The following RBFOX1 variants were observed in gnomAD, a reference collection of about 807,000 sequenced individuals.
The protein encoded by RBFOX1 is RNA binding protein fox-1 homolog 1.
Under a neutral mutation model 57.7 loss-of-function variants are expected in RBFOX1, and 8 were observed. The ratio of observed to expected loss-of-function variants is 0.14; its 90% CI spans 0.08 to 0.25. The LOEUF (loss-of-function observed/expected upper bound fraction) is 0.25, where lower values mean the gene tolerates loss of function less well. Among genes scored for constraint, RBFOX1 ranks in the 10% least tolerant of loss-of-function variants. The pLI is 1.00. For missense variants in RBFOX1, 611 were observed against 548.5 expected (o/e 1.11, Z -1.14); for synonymous variants, 326 against 222.4 (o/e 1.47, Z -4.15).
intron 4 of RBFOX1, among the ~76,000 whole-genome samples, chr16:7,298,424 G>C (rs2095951159): frequency 6.6e-6 from 1 of 151,962 alleles, no homozygotes. Context: ...AAGTAGCTGG[G>C]ACTACAGATG....
chr16:6,816,243 A>G (rs2090038164), intron 3 of RBFOX1, among the ~76,000 whole-genome samples: 1 of 152,156 alleles, frequency 6.6e-6, no homozygotes, highest in Non-Finnish European at 1.5e-5. Context: ...CTGGAGTTCA[A>G]GACCGTAGTA....
chr16:6,894,167 G>T (rs993000414), intron 3 of RBFOX1, among the ~76,000 whole-genome samples: 1 of 152,050 alleles, frequency 6.6e-6, no homozygotes, highest in East Asian at 1.9e-4. Context: ...CCTATCTCTT[G>T]TCTGTCTGTC....
In RBFOX1 at chr16:6,921,614, C is replaced by T. The variant is rs554396661; in HGVS notation, c.-15-130443C>T. ...GGAGAAAGAATAATTTATGTATATA[C>T]ATAAATTACTGTATATATATATATA... On this transcript the variant is annotated intron_variant, in intron 3 of 15. Coordinates refer to ENST00000550418, the MANE Select transcript of RBFOX1 (RefSeq NM_018723.4). Among the ~76,000 whole-genome samples, 19 of 145,184 alleles carry T rather than the reference C, an allele frequency of 1.3e-4. No homozygotes were observed. The South Asian group carries it at 3.9e-3, about 30-fold the overall frequency.
At chr16:6,334,265 T>G (rs1476479699) in intron 2 of RBFOX1, among the ~76,000 whole-genome samples, 1 of 152,038 alleles carries the variant, frequency 6.6e-6, no homozygotes. Flanking sequence ...CCTAGCGCTT[T>G]GGGAGGCCAA....
intron 1 of RBFOX1, among the ~76,000 whole-genome samples, chr16:5,425,125 A>ATC (rs2067517124): frequency 1.4e-5 from 1 of 72,948 alleles, no homozygotes; most frequent in Non-Finnish European, 3.2e-5. Context: ...ATCTATCTTG[A>ATC]GACAGAGTCT....
At chr16:6,557,087 A>G (rs1037509849) in intron 2 of RBFOX1, among the ~76,000 whole-genome samples, 37 of 142,822 alleles carry the variant, frequency 2.6e-4, no homozygotes, top group Admixed American at 1.9e-3. Context: ...ATATATACAT[A>G]CATATACATA....
chr16:7,029,588 G>C (rs1374415533), intron 3 of RBFOX1, among the ~76,000 whole-genome samples: 1 of 152,074 alleles, frequency 6.6e-6, no homozygotes, highest in East Asian at 1.9e-4. Context: ...ACTTGGACAT[G>C]AGATCATTAA....
intron 3 of RBFOX1, among the ~76,000 whole-genome samples, chr16:7,002,956 G>C (rs1356818653): frequency 1.3e-5 from 2 of 151,962 alleles, no homozygotes; most frequent in Admixed American, 1.3e-4. Context: ...TAGGAAAGGC[G>C]ATGAGGTCAA....
chr16:7,498,007 A>G (rs996675409), intron 4 of RBFOX1, among the ~76,000 whole-genome samples: 2 of 152,198 alleles, frequency 1.3e-5, no homozygotes, highest in African/African-American at 2.4e-5. Context: ...CTGTCCCCAA[A>G]TAGGTGCTTT....
chr16:7,213,550 C>T (rs952362018), intron 4 of RBFOX1, among the ~76,000 whole-genome samples: 17 of 127,938 alleles, frequency 1.3e-4, no homozygotes, highest in African/African-American at 6.9e-4. Flanking sequence ...AAGGGATCCT[C>T]TAATGCCAAA....
At chr16:7,401,825 G>A (rs1376769524) in intron 4 of RBFOX1, among the ~76,000 whole-genome samples, 1 of 152,150 alleles carries the variant, frequency 6.6e-6, no homozygotes, top group African/African-American at 2.4e-5. Context: ...CCTAGCACAG[G>A]AGGCCAAAAG....
At chr16:6,156,915 C>T (rs906902031) in intron 1 of RBFOX1, among the ~76,000 whole-genome samples, 35 of 152,132 alleles carry the variant, frequency 2.3e-4, no homozygotes, top group Non-Finnish European at 7.3e-5. Flanking sequence ...TTATGGTTCA[C>T]CATAGCCCCG....
At position 6,220,722 on chromosome 16, in the gene RBFOX1, G is replaced by A. The variant is rs1020687644; in HGVS notation, c.-126-96273G>A. Among the ~76,000 whole-genome samples the A allele has an allele frequency of 2.0e-3, 28 of 13,968 alleles. No individual in the cohort carries two copies. The Admixed American group carries it at 0.029, about 14-fold the overall frequency. The allele number at this position is 13,968 out of a possible 152,430, so 9.2% of individuals were successfully genotyped here. A position where few individuals can be genotyped will look rare whatever the true frequency, so the allele number is the denominator to read the frequency against. On this transcript the variant is annotated intron_variant, in intron 1 of 15. Transcript: ENST00000550418. ...AAGTAAGATAATGCTATGACTAACC[G>A]CCCCCCCCCAGTGGAAAATAATGAA...
chr16:5,269,210 C>G (rs1383610648), intron 1 of RBFOX1, among the ~76,000 whole-genome samples: 2 of 152,248 alleles, frequency 1.3e-5, no homozygotes, highest in Non-Finnish European at 2.9e-5. Flanking sequence ...AGCCACCGCA[C>G]CAGGCCAATT....
At chr16:6,779,739 ATTTT>A (rs1276163677) in intron 3 of RBFOX1, among the ~76,000 whole-genome samples, 138 of 56,072 alleles carry the variant, frequency 2.5e-3, no homozygotes, top group East Asian at 8.2e-3. Flanking sequence ...ATTTTTATAT[ATTTT>A]TATATATACT....
intron 4 of RBFOX1, among the ~76,000 whole-genome samples, chr16:7,148,188 G>T (rs544709895): frequency 6.6e-6 from 1 of 152,182 alleles, no homozygotes; most frequent in Admixed American, 6.5e-5. Flanking sequence ...ACCAAATACT[G>T]CCTGGGGTCT....
intron 3 of RBFOX1, among the ~76,000 whole-genome samples, chr16:6,878,869 G>T (rs563268350): frequency 7.2e-6 from 1 of 139,842 alleles, no homozygotes; most frequent in South Asian, 2.2e-4. Context: ...GAAATTAACA[G>T]CTAATCTTTG....
At chr16:6,335,408 G>T (rs1466157628) in intron 2 of RBFOX1, among the ~76,000 whole-genome samples, 2 of 152,092 alleles carry the variant, frequency 1.3e-5, no homozygotes, top group African/African-American at 4.8e-5. Context: ...CTAGAAATGT[G>T]CTATTGGTAA....
At chr16:7,609,711 A>T (rs2057049591) in intron 10 of RBFOX1, among the ~76,000 whole-genome samples, 1 of 152,178 alleles carries the variant, frequency 6.6e-6, no homozygotes, top group Non-Finnish European at 1.5e-5. Flanking sequence ...CTGCTCTGAG[A>T]TTTCAGCTGG....
Sources: allele counts gnomAD v4.1 joint callset (sites outside exome capture counted in the v4.1 genomes callset), GRCh38; gene constraint gnomAD v4.1.1; transcripts MANE v1.5; gene names NCBI Gene and HGNC (gene_info 2026-07-23, HGNC 2026-07-21).